RABGAP1L: variants seen among roughly 807,000 people sequenced by gnomAD.
RABGAP1L encodes the protein RAB GTPase activating protein 1 like.
In RABGAP1L, 63 loss-of-function variants were observed where a neutral mutation model predicts 137.7. That is an observed-to-expected ratio of 0.46 (90% CI 0.37 to 0.56). RABGAP1L has a LOEUF of 0.56. RABGAP1L is among the 20% of genes least tolerant of loss of function. RABGAP1L has a pLI of 0.00. For missense variants in RABGAP1L, 1,095 were observed against 1,244.0 expected, an observed-to-expected ratio of 0.88 and a Z score of 1.80; for synonymous variants, 431 against 433.7, an observed-to-expected ratio of 0.99 and a Z score of 0.08.
intron 12 of RABGAP1L, among the ~76,000 whole-genome samples, chr1:174,382,829 G>T (rs1321623346): frequency 6.6e-6 from 1 of 151,968 alleles, no homozygotes; most frequent in East Asian, 1.9e-4. Context: ...TCCGTTGCTG[G>T]TGAGGAACTG....
chr1:174,358,025 A>G (rs1683790431), intron 11 of RABGAP1L, among the ~76,000 whole-genome samples: 1 of 152,198 alleles, frequency 6.6e-6, no homozygotes, highest in Non-Finnish European at 1.5e-5. Context: ...AAATACCTTG[A>G]CCAGTATCAC....
intron 12 of RABGAP1L, among the ~76,000 whole-genome samples, chr1:174,378,421 A>G (rs1465466437): frequency 2.7e-5 from 4 of 149,972 alleles, no homozygotes; most frequent in Admixed American, 2.0e-4. Flanking sequence ...AAGTGTTCCT[A>G]TTTCTCCACA....
At chr1:174,698,689 G>T (rs570102460) in intron 15 of RABGAP1L, among the ~76,000 whole-genome samples, 1 of 151,368 alleles carries the variant, frequency 6.6e-6, no homozygotes, top group Non-Finnish European at 1.5e-5. Flanking sequence ...AAAATAAAGA[G>T]ACAACTCTTT....
intron 1 of RABGAP1L, among the ~76,000 whole-genome samples, chr1:174,205,115 G>A (rs1216764663): frequency 6.6e-6 from 1 of 152,168 alleles, no homozygotes. Flanking sequence ...ATTGATTTGT[G>A]TATGTTTAAC....
At chr1:174,685,851 G>T (rs1275142245) in intron 15 of RABGAP1L, among the ~76,000 whole-genome samples, 1 of 152,192 alleles carries the variant, frequency 6.6e-6, no homozygotes, top group Non-Finnish European at 1.5e-5. Context: ...AGGAGCCGCT[G>T]TGCCCGTCTG....
intron 1 of RABGAP1L, among the ~76,000 whole-genome samples, chr1:174,206,862 A>G (rs1387727420): frequency 6.6e-6 from 1 of 152,212 alleles, no homozygotes; most frequent in Non-Finnish European, 1.5e-5. Context: ...AGATATCATT[A>G]TTGCTCATTT....
intron 14 of RABGAP1L, among the ~76,000 whole-genome samples, chr1:174,667,856 A>C (rs1256498940): frequency 6.6e-6 from 1 of 152,130 alleles, no homozygotes; most frequent in Non-Finnish European, 1.5e-5. Context: ...AATGCTGGGG[A>C]GCATGGACTA....
intron 11 of RABGAP1L, among the ~76,000 whole-genome samples, chr1:174,332,379 TTTTTA>T (rs1466331750): frequency 7.6e-6 from 1 of 132,270 alleles, no homozygotes; most frequent in Non-Finnish European, 1.6e-5. Context: ...TTTATCTAAA[TTTTTA>T]TTTATTTATT....
chr1:174,929,572 T>A (rs1316794124), intron 19 of RABGAP1L, among the ~76,000 whole-genome samples: 5 of 151,748 alleles, frequency 3.3e-5, no homozygotes, highest in African/African-American at 4.8e-5. Context: ...CGAGATCCTA[T>A]CTCCAGAAGC....
intron 19 of RABGAP1L, among the ~76,000 whole-genome samples, chr1:174,932,514 T>TG (rs1221379710): frequency 2.0e-5 from 3 of 152,132 alleles, no homozygotes; most frequent in Admixed American, 2.0e-4. Flanking sequence ...TTCTATCAGA[T>TG]GGAGTATGAT....
chr1:174,252,080 A>G (rs1308880054), intron 6 of RABGAP1L, among the ~76,000 whole-genome samples: 1 of 152,098 alleles, frequency 6.6e-6, no homozygotes, highest in Non-Finnish European at 1.5e-5. Flanking sequence ...TTTTTAGTAG[A>G]GATGGGGTTT....
intron 15 of RABGAP1L, among the ~76,000 whole-genome samples, chr1:174,685,414 G>A (rs540603008): frequency 9.4e-4 from 143 of 151,982 alleles, no homozygotes; most frequent in Admixed American, 2.4e-3. Context: ...CACCATGCCC[G>A]GCTAACTTTT....
intron 17 of RABGAP1L, among the ~76,000 whole-genome samples, chr1:174,748,721 A>G (rs1684081154): frequency 2.0e-5 from 3 of 152,006 alleles, no homozygotes; most frequent in Non-Finnish European, 2.9e-5. Flanking sequence ...AAAAAGAAAA[A>G]AAAATTATCT....
intron 1 of RABGAP1L, among the ~76,000 whole-genome samples, chr1:174,199,436 C>T (rs138101789): frequency 5.9e-5 from 9 of 152,146 alleles, no homozygotes; most frequent in Non-Finnish European, 1.2e-4. Flanking sequence ...GGATTACAGG[C>T]GTATACTACC....
At chr1:174,649,927 T>G (rs1470722157) in intron 14 of RABGAP1L, among the ~76,000 whole-genome samples, 1 of 152,154 alleles carries the variant, frequency 6.6e-6, no homozygotes, top group Non-Finnish European at 1.5e-5. Flanking sequence ...TCAAAGGGAA[T>G]GCTTCCAGTT....
At chr1:174,753,993 C>T (rs1684532567) in intron 18 of RABGAP1L, among the ~76,000 whole-genome samples, 1 of 152,166 alleles carries the variant, frequency 6.6e-6, no homozygotes. Flanking sequence ...TACCCTGTGT[C>T]AACTTAATAC....
At chr1:174,171,697 A>T (rs1196044112) in intron 1 of RABGAP1L, among the ~76,000 whole-genome samples, 1 of 63,962 alleles carries the variant, frequency 1.6e-5, no homozygotes, top group Non-Finnish European at 3.0e-5. Flanking sequence ...ATTCAGCTTT[A>T]AAAAAAAAAA....
intron 18 of RABGAP1L, among the ~76,000 whole-genome samples, chr1:174,763,650 CAAAAAAAAAAAAAAAAAAAA>C (rs1165876748): frequency 2.7e-3 from 35 of 13,108 alleles, no homozygotes; most frequent in South Asian, 0.014. Context: ...GACTCCGTCT[CAAAAAAAAAAAAAAAAAAAA>C]AAAAAAAAAA....
At chr1:174,364,674 A>G (rs868156627) in intron 11 of RABGAP1L, among the ~76,000 whole-genome samples, 2 of 152,088 alleles carry the variant, frequency 1.3e-5, no homozygotes, top group African/African-American at 2.4e-5. Context: ...GATCCTTTGA[A>G]TTTCTTCAGT....
Sources: allele counts gnomAD v4.1 joint callset (sites outside exome capture counted in the v4.1 genomes callset), GRCh38; gene constraint gnomAD v4.1.1; transcripts MANE v1.5; gene names NCBI Gene and HGNC (gene_info 2026-07-23, HGNC 2026-07-21).